REEP1: variants seen among roughly 807,000 people sequenced by gnomAD.
REEP1 encodes receptor expression-enhancing protein 1.
In REEP1, 22 loss-of-function variants were observed where a neutral mutation model predicts 40.3. The observed-to-expected ratio is 0.55, with a 90% CI of 0.39 to 0.78. The LOEUF (loss-of-function observed/expected upper bound fraction) is 0.78. REEP1 is among the 30% of genes least tolerant of loss of function. REEP1 has a pLI of 0.00. For missense variants in REEP1, 280 were observed against 361.1 expected, an observed-to-expected ratio of 0.78 and a Z score of 1.82; for synonymous variants, 116 against 139.2, an observed-to-expected ratio of 0.83 and a Z score of 1.17.
chr2:86,242,117 C>T (rs1675698517), intron 5 of REEP1, among the ~76,000 whole-genome samples: 2 of 152,114 alleles, frequency 1.3e-5, no homozygotes, highest in Non-Finnish European at 1.5e-5. Context: ...AACAGGCAAC[C>T]TTTATTAAAC....
intron 1 of REEP1, among the ~76,000 whole-genome samples, chr2:86,335,649 G>C (rs1417696495): frequency 6.6e-6 from 1 of 152,150 alleles, no homozygotes; most frequent in Non-Finnish European, 1.5e-5. Flanking sequence ...AGGAGTTCAA[G>C]ACCAGGCTGG....
At chr2:86,236,945 A>G (rs1439953630) in intron 5 of REEP1, among the ~76,000 whole-genome samples, 4 of 152,228 alleles carry the variant, frequency 2.6e-5, no homozygotes, top group Non-Finnish European at 5.9e-5. Context: ...CGTGTTAGCC[A>G]GGATGGTCTC....
chr2:86,255,442 G>T (rs1676505408), intron 3 of REEP1, among the ~76,000 whole-genome samples: 1 of 152,204 alleles, frequency 6.6e-6, no homozygotes, highest in Non-Finnish European at 1.5e-5. Context: ...AGAAACAGAA[G>T]AGTCCACGGT....
intron 1 of REEP1, among the ~76,000 whole-genome samples, chr2:86,318,548 C>A (rs1680138899): frequency 6.6e-6 from 1 of 151,966 alleles, no homozygotes; most frequent in Non-Finnish European, 1.5e-5. Context: ...CAGGTCCATG[C>A]CACCAATCCC....
chr2:86,291,868 C>T (rs760152963), intron 1 of REEP1, among the ~76,000 whole-genome samples: 2 of 152,186 alleles, frequency 1.3e-5, no homozygotes, highest in Admixed American at 6.5e-5. Context: ...CCAAACCCAA[C>T]TTAGGAAAGC....
intron 2 of REEP1, among the ~76,000 whole-genome samples, chr2:86,281,211 C>G (rs1277838752): frequency 3.9e-5 from 6 of 152,176 alleles, no homozygotes; most frequent in Non-Finnish European, 7.3e-5. Flanking sequence ...CCTGAAGGTG[C>G]CCAACACATT....
intron 2 of REEP1, among the ~76,000 whole-genome samples, chr2:86,273,990 A>C (rs1381123511): frequency 6.6e-6 from 1 of 152,248 alleles, no homozygotes; most frequent in Non-Finnish European, 1.5e-5. Flanking sequence ...ACCGGATTAG[A>C]ATGCTGGCAC....
chr2:86,233,875 G>A (rs1675154961), intron 5 of REEP1, among the ~76,000 whole-genome samples: 1 of 152,070 alleles, frequency 6.6e-6, no homozygotes, highest in African/African-American at 2.4e-5. Context: ...GATAATGAAG[G>A]AAAGAGTGGT....
intron 1 of REEP1, among the ~76,000 whole-genome samples, chr2:86,330,677 C>A (rs1442863617): frequency 6.6e-6 from 1 of 151,942 alleles, no homozygotes; most frequent in Non-Finnish European, 1.5e-5. Flanking sequence ...AATTCCTGGG[C>A]TCAAGTGATC....
chr2:86,312,037 T>C (rs7571424), intron 1 of REEP1, among the ~76,000 whole-genome samples: 63,299 of 152,026 alleles, frequency 0.42, 13,283 homozygotes, highest in Middle Eastern at 0.46. Flanking sequence ...GCCCTCTCTT[T>C]TCATTCTCAC....
In REEP1 at chr2:86,229,027, C is replaced by A. The variant is rs567504183; in HGVS notation, c.596-1629G>T. Among the ~76,000 whole-genome samples the A allele has an allele frequency of 2.0e-5, 3 of 152,326 alleles. No individual in the cohort carries two copies. The East Asian group carries it at 5.8e-4, about 29-fold the overall frequency. On this transcript the variant is annotated intron_variant, in intron 6 of 8. Transcript: ENST00000538924. ...TGCACCCTTAATCTGTTGCTTCCAG[C>A]AGCTGCAGAGAATTCCACGAGGTGC...
chr2:86,332,995 A>G (rs1410644761), intron 1 of REEP1, among the ~76,000 whole-genome samples: 1 of 152,170 alleles, frequency 6.6e-6, no homozygotes, highest in Non-Finnish European at 1.5e-5. Flanking sequence ...AGTGAGTCAG[A>G]CCAGCACTGG....
At chr2:86,227,474 C>T (rs1559512) in intron 6 of REEP1, 76 bp from the exon 7 acceptor site, 994,286 of 1,173,594 alleles carry the variant, frequency 0.85, 431,368 homozygotes, top group Non-Finnish European at 0.88. Flanking sequence ...AACAGGGAGG[C>T]CCTGGAGAGG....
At chr2:86,226,463 CTTTTCTT>C (rs1558870460) in intron 7 of REEP1, among the ~76,000 whole-genome samples, 4 of 28,956 alleles carry the variant, frequency 1.4e-4, no homozygotes, top group Admixed American at 4.1e-4. Context: ...GTGGCTTTTT[CTTTTCTT>C]TTTTTTTTTT....
intron 1 of REEP1, among the ~76,000 whole-genome samples, chr2:86,300,454 AAAGG>A (rs1333190750): frequency 2.6e-5 from 4 of 152,178 alleles, no homozygotes; most frequent in African/African-American, 7.2e-5. Flanking sequence ...TACTTGAACT[AAAGG>A]AATATAAACT....
intron 1 of REEP1, among the ~76,000 whole-genome samples, chr2:86,300,516 C>T (rs1679210401): frequency 6.6e-6 from 1 of 152,186 alleles, no homozygotes; most frequent in African/African-American, 2.4e-5. Flanking sequence ...GCCATATACA[C>T]ATGAAAAGTA....
chr2:86,256,130 C>G (rs570777270), intron 3 of REEP1, among the ~76,000 whole-genome samples: 1 of 151,906 alleles, frequency 6.6e-6, no homozygotes, highest in South Asian at 2.1e-4. Flanking sequence ...GGGTGGATCA[C>G]AAGGTCAGGG....
At chr2:86,284,531 G>A (rs77394569) in intron 1 of REEP1, among the ~76,000 whole-genome samples, 3 of 152,188 alleles carry the variant, frequency 2.0e-5, no homozygotes, top group East Asian at 1.9e-4. Context: ...CGAGGTGGAC[G>A]CCAGACAGCA....
chr2:86,271,443 A>T (rs1336291230), intron 2 of REEP1, among the ~76,000 whole-genome samples: 2 of 152,222 alleles, frequency 1.3e-5, no homozygotes, highest in African/African-American at 4.8e-5. Context: ...ATGATAGCTG[A>T]CTTTTCATTG....
Sources: allele counts gnomAD v4.1 joint callset (sites outside exome capture counted in the v4.1 genomes callset), GRCh38; gene constraint gnomAD v4.1.1; transcripts MANE v1.5; gene names NCBI Gene and HGNC (gene_info 2026-07-23, HGNC 2026-07-21).